The following HEATR5A variants were observed in gnomAD, a reference collection of about 807,000 sequenced individuals.
HEATR5A encodes the protein HEAT repeat containing 5A, also known as HEAT repeat-containing protein 5A.
In HEATR5A, 178 loss-of-function variants were observed where a neutral mutation model predicts 218.8. The ratio of observed to expected loss-of-function variants is 0.81; its 90% CI spans 0.72 to 0.92. HEATR5A has a LOEUF of 0.92. Among genes scored for constraint, HEATR5A ranks in the 40% least tolerant of loss-of-function variants. The probability of loss-of-function intolerance (pLI) is 0.00; values close to 1 mark genes in which losing one functional copy is unlikely to be tolerated. For missense variants in HEATR5A, 2,420 were observed against 2,418.9 expected (o/e 1.00, Z -0.01); for synonymous variants, 864 against 871.6 (o/e 0.99, Z 0.15).
Position 31,378,806 on chromosome 14 carries a change from A to AC in HEATR5A, c.1708+1660_1708+1661insG, listed in dbSNP as rs756528098. ...CCACCTCAAAAAAAAACAAACAAAA[A>AC]AAAAAAACACTACTTAAAGTAGTTC... On this transcript the variant is annotated intron_variant, in intron 11 of 35. Transcript: ENST00000543095. 4.7e-4 allele frequency among the ~76,000 whole-genome samples: 69 copies of AC among 146,134 alleles called. 1 individual carries two copies. In the East Asian group the frequency reaches 8.0e-3, roughly 17 times the overall value.
chr14:31,317,344 G>A (rs1042600172), intron 26 of HEATR5A, among the ~76,000 whole-genome samples: 7 of 107,194 alleles, frequency 6.5e-5, no homozygotes, highest in South Asian at 3.3e-4. Context: ...TCCCTCTATC[G>A]CCCAGGCTGG....
chr14:31,305,538 C>T (rs990870773), intron 31 of HEATR5A, among the ~76,000 whole-genome samples: 2 of 152,208 alleles, frequency 1.3e-5, no homozygotes, highest in African/African-American at 2.4e-5. Flanking sequence ...GCCAGGATTA[C>T]AGGTATGAGC....
chr14:31,374,183 G>A (rs373715138), intron 12 of HEATR5A, among the ~76,000 whole-genome samples: 24 of 151,706 alleles, frequency 1.6e-4, no homozygotes, highest in Admixed American at 9.9e-4. Context: ...GCATGCACCT[G>A]TGGTCTCAGC....
At position 31,344,135 on chromosome 14, in the gene HEATR5A, G is replaced by C. The variant is rs1200062826; in HGVS notation, c.3059-70C>G. ...CATTACTCTTTAAACATATATTACA[G>C]GTTTTAAAATTTACTTCCAGTTTAA... On this transcript the variant is annotated intron_variant, in intron 20 of 35. Transcript: ENST00000543095. 15 of 930,828 alleles carry C rather than the reference G, an allele frequency of 1.6e-5. No individual in the cohort carries two copies. In the East Asian group the frequency reaches 4.2e-4, roughly 26 times the overall value. The allele number at this position is 930,828 out of a possible 1,614,324, so 57.7% of individuals were successfully genotyped here.
At chr14:31,323,856 A>G in intron 23 of HEATR5A, 52 bp from the exon 24 acceptor site, 1 of 1,223,344 alleles carries the variant, frequency 8.2e-7, no homozygotes, top group South Asian at 1.4e-5. Context: ...AGATATATAT[A>G]TATATATCAA....
chr14:31,398,815 G>A (rs1415933817), intron 3 of HEATR5A, 34 bp from the exon 4 acceptor site: 4 of 1,220,202 alleles, frequency 3.3e-6, no homozygotes, highest in Admixed American at 2.0e-5. Flanking sequence ...ATTAGTCACA[G>A]CTGAAAAAAT....
At position 31,403,055 on chromosome 14, in the gene HEATR5A, A is replaced by G; in HGVS notation, c.-74-6T>C. The G allele has an allele frequency of 7.8e-7, 1 of 1,276,948 alleles. No homozygotes were observed. The highest frequency in any genetic ancestry group is 1.0e-6 in the Non-Finnish European group (1 of 953,122). The allele number at this position is 1,276,948 out of a possible 1,614,324, so 79.1% of individuals were successfully genotyped here. A position where few individuals can be genotyped will look rare whatever the true frequency, so the allele number is the denominator to read the frequency against. ...ATATACCTAACAATAAAAATCTGCA[A>G]TACAGGAAAATAATGTATTTTAAAA... On this transcript the variant is annotated splice_region_variant and splice_polypyrimidine_tract_variant and intron_variant, in intron 1 of 35. Transcript: ENST00000543095.
chr14:31,316,954 T>C (rs116267281), intron 26 of HEATR5A, among the ~76,000 whole-genome samples: 1 of 151,044 alleles, frequency 6.6e-6, no homozygotes, highest in South Asian at 2.1e-4. Context: ...TCCCAAAGTG[T>C]TGGGATTATA....
intron 4 of HEATR5A, among the ~76,000 whole-genome samples, chr14:31,398,435 T>C (rs1156248875): frequency 6.6e-6 from 1 of 152,194 alleles, no homozygotes. Context: ...AATACGTTAG[T>C]TTTCGCCCGC....
chr14:31,415,847 A>T (rs2031425332), intron 1 of HEATR5A, among the ~76,000 whole-genome samples: 2 of 152,266 alleles, frequency 1.3e-5, no homozygotes, highest in African/African-American at 4.8e-5. Context: ...CCCATTAAGA[A>T]GCATTACTTG....
intron 18 of HEATR5A, among the ~76,000 whole-genome samples, chr14:31,349,528 T>A (rs1045536986): frequency 3.3e-5 from 5 of 152,308 alleles, no homozygotes; most frequent in African/African-American, 1.2e-4. Context: ...CTAGAGTCCA[T>A]CCCATTGATG....
chr14:31,333,635 A>C (rs1050672063), intron 22 of HEATR5A, among the ~76,000 whole-genome samples: 6 of 152,172 alleles, frequency 3.9e-5, no homozygotes, highest in African/African-American at 1.4e-4. Context: ...GCCAATTCCT[A>C]GATTCAAAGG....
intron 18 of HEATR5A, 106 bp downstream of exon 18, chr14:31,349,683 T>C (rs990623691): frequency 1.4e-6 from 1 of 731,126 alleles, no homozygotes; most frequent in Non-Finnish European, 2.2e-6. Flanking sequence ...ATTTTTCTTT[T>C]CTTAGTTAAA....
intron 22 of HEATR5A, 109 bp downstream of exon 22, chr14:31,337,367 G>T: frequency 1.2e-6 from 1 of 828,384 alleles, no homozygotes; most frequent in Non-Finnish European, 1.9e-6. Flanking sequence ...TCTTGTAGCA[G>T]GTTTAAGACA....
intron 13 of HEATR5A, chr14:31,371,576 T>A (rs1902038795): frequency 9.5e-6 from 3 of 317,446 alleles, no homozygotes; most frequent in Non-Finnish European, 1.7e-5. Flanking sequence ...GGCTTAATAG[T>A]TAATTTCTTG....
chr14:31,374,424 C>T (rs1036653520), intron 12 of HEATR5A, among the ~76,000 whole-genome samples: 11 of 151,850 alleles, frequency 7.2e-5, no homozygotes, highest in Admixed American at 4.6e-4. Context: ...TTTTTGACTT[C>T]GAGGCGCATT....
rs1418663611 is a variant in HEATR5A, at chr14:31,403,014, C to G, written c.-39G>C. 6.6e-7 allele frequency: 1 copy of G among 1,519,294 alleles called. No individual in the cohort carries two copies. The highest frequency in any genetic ancestry group is 1.2e-5 in the South Asian group (1 of 81,374). 94.1% of individuals were successfully genotyped at this position (1,519,294 alleles called of 1,614,324 possible). A position where few individuals can be genotyped will look rare whatever the true frequency, so the allele number is the denominator to read the frequency against. On this transcript the variant is annotated 5_prime_UTR_variant, in exon 2 of 36. Transcript: ENST00000543095. ...CCTCCCAGCTGATCACAGTTCTTCT[C>G]GTTAAACTTTGGTCAATATACCTAA...
In HEATR5A at chr14:31,388,849, G is replaced by GT. The variant is rs1205726587; in HGVS notation, c.928dup (p.Thr310AsnfsTer37). 2 of 1,613,342 alleles carry GT rather than the reference G, an allele frequency of 1.2e-6. No homozygotes were observed. The highest frequency in any genetic ancestry group is 1.7e-5 in the Admixed American group (1 of 59,948). On this transcript the variant is annotated frameshift_variant, in exon 7 of 36. Coordinates refer to ENST00000543095, the MANE Select transcript of HEATR5A (RefSeq NM_015473.4). LOFTEE classifies it high-confidence loss of function. ...ATACTGATTTGTGATTCCAACCTGA[G>GT]TAACTCCAACTCGAACATCCCTACT...
chr14:31,346,381 A>AGT (rs1303043517), intron 19 of HEATR5A, among the ~76,000 whole-genome samples: 1 of 152,238 alleles, frequency 6.6e-6, no homozygotes, highest in Non-Finnish European at 1.5e-5. Flanking sequence ...AATTCAGTCA[A>AGT]GTACTAGATG....
Sources: gnomAD v4.1 joint callset for allele counts (sites outside exome capture counted in the v4.1 genomes callset) on GRCh38, gnomAD v4.1.1 for gene constraint, MANE v1.5 for transcripts, NCBI Gene and HGNC (gene_info 2026-07-23, HGNC 2026-07-21) for gene names.